The following FLNB variants were observed in gnomAD, a reference collection of about 807,000 sequenced individuals.
FLNB encodes the protein filamin-B.
FLNB carries 111 observed loss-of-function variants against 250.6 expected under a neutral mutation model. That is an observed-to-expected ratio of 0.44 (90% CI 0.38 to 0.52). The LOEUF (loss-of-function observed/expected upper bound fraction) is 0.52. FLNB is among the 20% of genes least tolerant of loss of function. The probability of loss-of-function intolerance (pLI) is 0.00; values close to 1 mark genes in which losing one functional copy is unlikely to be tolerated. For synonymous variants in FLNB, 1,302 were observed against 1,372.1 expected, an observed-to-expected ratio of 0.95 and a Z score of 1.13; for missense variants, 2,869 against 3,447.8, an observed-to-expected ratio of 0.83 and a Z score of 4.20.
At chr3:58,039,022 C>CT (rs375425626) in intron 1 of FLNB, among the ~76,000 whole-genome samples, 390 of 138,066 alleles carry the variant, frequency 2.8e-3, no homozygotes, top group African/African-American at 5.2e-3. Context: ...AAGTTAGTTC[C>CT]TTTTTTTTTT....
chr3:58,121,326 C>CCCCTCTCGG lies in FLNB; in HGVS notation c.2950_2958dup (p.Pro984_Arg986dup). 1.2e-6 allele frequency: 2 copies of CCCCTCTCGG among 1,614,134 alleles called. No individual in the cohort carries two copies. Among genetic ancestry groups the CCCCTCTCGG allele is most frequent in the Non-Finnish European group, 1.7e-6 (2 of 1,180,022 alleles). On this transcript the variant is annotated inframe_insertion, in exon 20 of 46. Transcript: ENST00000295956. ...GGAAGCTGGACGTGACAATCCTCAG[C>CCCCTCTCGG]CCCTCTCGGAAGGTCGTGCCATGCC... is the stretch of plus-strand genomic sequence containing the variant.
intron 1 of FLNB, among the ~76,000 whole-genome samples, chr3:58,027,070 C>T (rs376414469): frequency 9.9e-5 from 15 of 152,214 alleles, no homozygotes; most frequent in Admixed American, 4.6e-4. Context: ...TCTGGAGACC[C>T]GTTTCTGTTT....
rs753302779 is a variant in FLNB, at chr3:58,146,066, G to A, written c.5554+17G>A. The stretch of plus-strand genomic sequence containing the variant: ...CAGGAGAAGGTACTGTGTGGTTTAC[G>A]TGTTTATACGCCTCCAGCTGTCCAT... On this transcript the variant is annotated intron_variant, in intron 33 of 45. Transcript: ENST00000295956. 54 of 1,613,966 alleles carry A rather than the reference G, an allele frequency of 3.3e-5. 1 individual carries two copies. The Middle Eastern group carries it at 8.2e-4, about 25-fold the overall frequency.
chr3:58,054,084 G>A lies in FLNB; in HGVS notation c.293-22962G>A, dbSNP rs1393610952. On this transcript the variant is annotated intron_variant, in intron 1 of 45. Coordinates refer to ENST00000295956, the MANE Select transcript of FLNB (RefSeq NM_001457.4). Reference sequence around the variant, plus strand: ...GAAGGGCCCAGTAGTGGGAAGTGCAGGAGTGTGAGAGTGCCTGGAATTGCC... The same window carrying A: ...GAAGGGCCCAGTAGTGGGAAGTGCAAGAGTGTGAGAGTGCCTGGAATTGCC... Among the ~76,000 whole-genome samples, 5 of 152,198 alleles carry A rather than the reference G, an allele frequency of 3.3e-5. No individual in the cohort carries two copies. The East Asian group carries it at 5.8e-4, about 18-fold the overall frequency.
rs769250286 is a variant in FLNB, at chr3:58,152,664, T to C, written c.6368-711T>C. 7.4e-6 allele frequency: 7 copies of C among 940,250 alleles called. No individual in the cohort carries two copies. In the South Asian group the frequency reaches 1.1e-4, roughly 14 times the overall value. 58.2% of individuals were successfully genotyped at this position (940,250 alleles called of 1,614,324 possible). On this transcript the variant is annotated intron_variant, in intron 38 of 45. Coordinates refer to ENST00000295956, the MANE Select transcript of FLNB (RefSeq NM_001457.4). ...GGACACAAACATTCAGTTCATTACA[T>C]GGGTGACCCTCTTTTCAACCTCCCT...
In FLNB at chr3:58,112,280, G is replaced by C; in HGVS notation, c.2707G>C (p.Asp903His). 1 of 1,613,880 alleles carries C rather than the reference G, an allele frequency of 6.2e-7. No homozygotes were observed. The highest frequency in any genetic ancestry group is 8.5e-7 in the Non-Finnish European group (1 of 1,180,028). ...GGATTTGGATATCATCGATAATTAT[G>C]ACTACTCTCACACGGTTAAATATAC... The part of the protein sequence containing the change: ...VKDLDIIDNY[D>H]YSHTVKYTPT... The change falls in exon 18 of 46, where the codon GAC becomes CAC. Residue 903 changes from aspartate to histidine, a missense_variant. Physicochemically the swap from Asp to His is moderately conservative, Grantham distance 81. Around this residue, in one of 5 missense-constraint regions of FLNB, gnomAD observed 1,348 missense variants for 1,466.7 expected, o/e 0.92. Transcript: ENST00000295956.
chr3:58,107,967 G>A (rs2097262354), intron 12 of FLNB, among the ~76,000 whole-genome samples: 2 of 152,182 alleles, frequency 1.3e-5, no homozygotes, highest in African/African-American at 4.8e-5. Flanking sequence ...AGTTCTTTAG[G>A]TCAACTCAGA....
intron 24 of FLNB, among the ~76,000 whole-genome samples, chr3:58,128,998 T>C (rs2097302151): frequency 6.6e-6 from 1 of 152,160 alleles, no homozygotes; most frequent in Admixed American, 6.5e-5. Flanking sequence ...TTTCTAAGCA[T>C]CAGGCTTCTT....
intron 1 of FLNB, among the ~76,000 whole-genome samples, chr3:58,063,068 A>G (rs774082755): frequency 6.6e-6 from 1 of 152,172 alleles, no homozygotes; most frequent in African/African-American, 2.4e-5. Context: ...AGGTGAGGAC[A>G]CTGAGCACAG....
At chr3:58,091,981 G>A (rs921368507) in intron 4 of FLNB, among the ~76,000 whole-genome samples, 11 of 152,142 alleles carry the variant, frequency 7.2e-5, no homozygotes, top group African/African-American at 2.7e-4. Context: ...CAAACCATAT[G>A]TCCAACAGAA....
chr3:58,116,033 T>C (rs891872550), intron 18 of FLNB, among the ~76,000 whole-genome samples: 2 of 152,026 alleles, frequency 1.3e-5, no homozygotes, highest in Non-Finnish European at 2.9e-5. Context: ...ATAAGTGCTC[T>C]GTGTGGATTA....
chr3:58,056,300 A>C (rs1342041610), intron 1 of FLNB, among the ~76,000 whole-genome samples: 1 of 151,530 alleles, frequency 6.6e-6, no homozygotes, highest in Admixed American at 6.6e-5. Flanking sequence ...TGGGGGTTTC[A>C]CCATGTTGAC....
In FLNB at chr3:58,142,711, A is replaced by C. The variant is rs770248489; in HGVS notation, c.5243A>C (p.Asp1748Ala). The change falls in exon 31 of 46, where the codon GAC becomes GCC. Residue 1748 changes from aspartate (D) to alanine (A), a missense_variant. Physicochemically the swap from Asp to Ala is moderately radical, Grantham distance 126. Transcript: ENST00000295956. The surrounding 1 kb of genome is among the most constrained non-coding windows in gnomAD (Gnocchi z 4.3). ...DMNGLGFKPF[D>A]LVIPFAVRKG... Reference sequence around the variant, plus strand: ...AACGGCCTGGGATTTAAGCCTTTTGACCTGGTCATTCCGTTTGCTGTCAGG... The same window carrying C: ...AACGGCCTGGGATTTAAGCCTTTTGCCCTGGTCATTCCGTTTGCTGTCAGG... 1 of 1,614,208 alleles carries C rather than the reference A, an allele frequency of 6.2e-7. No individual in the cohort carries two copies. Among genetic ancestry groups the C allele is most frequent in the Non-Finnish European group, 8.5e-7 (1 of 1,180,042 alleles).
At chr3:58,025,133 C>CTTTTTTTTTTTTTTTTTTTTTTT (rs57706596) in intron 1 of FLNB, among the ~76,000 whole-genome samples, 1 of 116,550 alleles carries the variant, frequency 8.6e-6, no homozygotes, top group African/African-American at 3.4e-5. Flanking sequence ...TTCTTTCTTT[C>CTTTTTTTTTTTTTTTTTTTTTTT]TTTTTTTTTT....
chr3:58,102,044 T>C (rs2097251981), intron 8 of FLNB, among the ~76,000 whole-genome samples, 159 bp from the exon 9 acceptor site: 1 of 152,228 alleles, frequency 6.6e-6, no homozygotes, highest in African/African-American at 2.4e-5. Flanking sequence ...TTTGCTAGCC[T>C]GGTGTGCTCC....
At chr3:58,087,232 A>AT (rs373849721) in intron 4 of FLNB, among the ~76,000 whole-genome samples, 19 of 151,808 alleles carry the variant, frequency 1.3e-4, no homozygotes, top group Admixed American at 2.6e-4. Flanking sequence ...TTAAGGAATT[A>AT]TTTTTTTTTA....
At chr3:58,084,624 A>G (rs1329418055) in intron 4 of FLNB, among the ~76,000 whole-genome samples, 1 of 152,208 alleles carries the variant, frequency 6.6e-6, no homozygotes, top group Admixed American at 6.5e-5. Context: ...TCCATAACAT[A>G]AAATTCACTA....
chr3:58,073,801 C>T (rs571975164), intron 1 of FLNB, among the ~76,000 whole-genome samples: 1 of 152,226 alleles, frequency 6.6e-6, no homozygotes, highest in East Asian at 1.9e-4. Context: ...TAAAAGAATC[C>T]ATTTCTGTGT....
At chr3:58,072,598 T>C (rs755392725) in intron 1 of FLNB, among the ~76,000 whole-genome samples, 45 of 152,332 alleles carry the variant, frequency 3.0e-4, no homozygotes, top group Admixed American at 4.6e-4. Flanking sequence ...TGGAGGTCTT[T>C]GGGCAAGTCG....
Sources: allele counts gnomAD v4.1 joint callset (sites outside exome capture counted in the v4.1 genomes callset), GRCh38; gene constraint gnomAD v4.1.1; regional missense constraint gnomAD v4.1.1; non-coding constraint Gnocchi (gnomAD v3.1); transcripts MANE v1.5; gene names NCBI Gene and HGNC (gene_info 2026-07-23, HGNC 2026-07-21).